CIT: variants seen among roughly 807,000 people sequenced by gnomAD.
CIT encodes citron rho-interacting serine/threonine kinase.
In CIT, 79 loss-of-function variants were observed where a neutral mutation model predicts 272.7. The observed-to-expected ratio is 0.29, with a 90% CI of 0.24 to 0.35. CIT has a LOEUF of 0.35. Among genes scored for constraint, CIT ranks in the 10% least tolerant of loss-of-function variants. The pLI is 1.00. For synonymous variants in CIT, 948 were observed against 995.6 expected (o/e 0.95, Z 0.90); for missense variants, 1,909 against 2,618.3 (o/e 0.73, Z 5.91).
chr12:119,796,402 C>A (rs553861836), intron 10 of CIT, among the ~76,000 whole-genome samples: 7 of 152,214 alleles, frequency 4.6e-5, no homozygotes, highest in African/African-American at 1.7e-4. Flanking sequence ...AAGTGGCATC[C>A]TAGAGGCACC....
At chr12:119,827,224 AG>A (rs1968244612) in intron 7 of CIT, among the ~76,000 whole-genome samples, 1 of 152,146 alleles carries the variant, frequency 6.6e-6, no homozygotes, top group African/African-American at 2.4e-5. Context: ...GATAGACAGA[AG>A]GGGAGACAAA....
chr12:119,862,126 G>A (rs576875933), intron 3 of CIT, among the ~76,000 whole-genome samples: 5 of 152,052 alleles, frequency 3.3e-5, no homozygotes, highest in South Asian at 4.1e-4. Flanking sequence ...TTGGTCTCCC[G>A]AGTAGCTGGA....
At chr12:119,700,901 G>A (rs1956523470) in intron 43 of CIT, 76 bp from the exon 44 acceptor site, 3 of 1,225,278 alleles carry the variant, frequency 2.4e-6, no homozygotes, top group Admixed American at 1.7e-5. Flanking sequence ...GGTGATGGAA[G>A]AATGAGGAGC....
At position 119,829,898 on chromosome 12, in the gene CIT, G is replaced by A. The variant is rs765393322; in HGVS notation, c.753+2873C>T. 4.1e-4 allele frequency among the ~76,000 whole-genome samples: 62 copies of A among 151,994 alleles called. 2 individuals carry two copies. Among genetic ancestry groups the A allele is most frequent in the Admixed American group, 1.3e-4 (2 of 15,244 alleles). ...CAAAATACGAAGATATTACGTGGGGGTGATAGGGAAGGGATTGATTGATTT... is the reference window on the plus strand; with the variant it reads ...CAAAATACGAAGATATTACGTGGGGATGATAGGGAAGGGATTGATTGATTT... On this transcript the variant is annotated intron_variant, in intron 7 of 47. Transcript: ENST00000392521.
chr12:119,792,411 C>T (rs1965383494), intron 10 of CIT, among the ~76,000 whole-genome samples: 1 of 152,152 alleles, frequency 6.6e-6, no homozygotes, highest in African/African-American at 2.4e-5. Context: ...AACTCATCAG[C>T]ATTCCGTTTC....
At chr12:119,778,268 G>T (rs1463861821) in intron 13 of CIT, among the ~76,000 whole-genome samples, 7 of 152,130 alleles carry the variant, frequency 4.6e-5, no homozygotes, top group African/African-American at 1.7e-4. Context: ...TCAGAACTGG[G>T]CTCACCAAAA....
At chr12:119,773,268 A>G (rs1025183103) in intron 16 of CIT, among the ~76,000 whole-genome samples, 1 of 152,206 alleles carries the variant, frequency 6.6e-6, no homozygotes, top group African/African-American at 2.4e-5. Context: ...AACGTAATGA[A>G]TGGAAATAGA....
chr12:119,752,171 C>T lies in CIT; in HGVS notation c.2783G>A (p.Arg928His), dbSNP rs143324493. The T allele has an allele frequency of 2.7e-5, 43 of 1,612,398 alleles. No individual in the cohort carries two copies. The African/African-American group carries it at 3.5e-4, about 13-fold the overall frequency. The change falls in exon 23 of 48, where the codon CGC becomes CAC. Residue 928 changes from arginine (R) to histidine (H), a missense_variant. By Grantham distance (29) the Arg-to-His change is conservative. This residue lies in a region of CIT where 530 missense variants were observed against 822.4 expected (regional missense o/e 0.64). Transcript: ENST00000392521. ...LTELQLSLQE[R>H]ESQLTALQAA... ...CTGCAGGGCTGTCAACTGTGACTCG[C>T]GCTCCTGCAGGGAGAGCTGTAGCTC...
In CIT at chr12:119,803,326, T is replaced by C; in HGVS notation, c.1175A>G (p.Glu392Gly). 2 of 1,607,166 alleles carry C rather than the reference T, an allele frequency of 1.2e-6. No homozygotes were observed. The highest frequency in any genetic ancestry group is 1.7e-6 in the Non-Finnish European group (2 of 1,176,798). ...AGAGGATGAAACCCACGAATTCTTC[T>C]CTGGTTCATCAAAATTGGAGGTGTC... Reference protein sequence around the residue: ...DDDTSNFDEPEKNSWVSSSPC... With the variant: ...DDDTSNFDEPGKNSWVSSSPC... Residue 392 changes from glutamate to glycine, a missense_variant, in exon 10 of 48, where the codon GAG becomes GGG. Glu to Gly is a moderately conservative substitution (Grantham distance 98). Coordinates refer to ENST00000392521, the MANE Select transcript of CIT (RefSeq NM_001206999.2).
chr12:119,764,549 A>G (rs1257633677), intron 19 of CIT, among the ~76,000 whole-genome samples: 1 of 151,136 alleles, frequency 6.6e-6, no homozygotes, highest in Non-Finnish European at 1.5e-5. Context: ...CCAGGTTGCA[A>G]TGAGCTATGA....
In CIT at chr12:119,770,878, C is replaced by T; in HGVS notation, c.2115G>A (p.Lys705=). ...ERRHSLENKV[K]RLETMERREN... is the part of the protein sequence containing the mutation. ...CTCTACGCTCCATGGTCTCTAGTCT[C>T]TTTACCTTGTTCTCCAGAGAATGGC... The change falls in exon 18 of 48, where the codon AAG becomes AAA. Residue 705 remains lysine (K), a synonymous_variant. Coordinates refer to ENST00000392521, the MANE Select transcript of CIT (RefSeq NM_001206999.2). The surrounding 1 kb of genome is among the most constrained non-coding windows in gnomAD (Gnocchi z 4.4). 6.2e-7 allele frequency: 1 copy of T among 1,612,844 alleles called. No individual in the cohort carries two copies. Among genetic ancestry groups the T allele is most frequent in the Non-Finnish European group, 8.5e-7 (1 of 1,179,860 alleles).
intron 28 of CIT, among the ~76,000 whole-genome samples, chr12:119,722,287 C>T (rs1170465267): frequency 1.3e-5 from 2 of 152,178 alleles, no homozygotes; most frequent in Non-Finnish European, 2.9e-5. Flanking sequence ...CTTAACTACA[C>T]TTAGTGTGGC....
intron 5 of CIT, among the ~76,000 whole-genome samples, chr12:119,848,070 A>C (rs924298211): frequency 1.3e-5 from 2 of 152,154 alleles, no homozygotes; most frequent in African/African-American, 4.8e-5. Context: ...TCCATGCCCC[A>C]TGTCTCAAGG....
chr12:119,767,772 G>A (rs1402889051), intron 18 of CIT, among the ~76,000 whole-genome samples: 5 of 151,906 alleles, frequency 3.3e-5, no homozygotes, highest in African/African-American at 1.2e-4. Context: ...AATGCAAATG[G>A]GGACAAAGAC....
At chr12:119,707,572 G>C (rs1956947247) in intron 40 of CIT, among the ~76,000 whole-genome samples, 1 of 151,988 alleles carries the variant, frequency 6.6e-6, no homozygotes, top group Non-Finnish European at 1.5e-5. Context: ...CGCAATCTCG[G>C]CTCACTGCAA....
chr12:119,860,685 G>A (rs1243991528), intron 3 of CIT, among the ~76,000 whole-genome samples: 4 of 152,050 alleles, frequency 2.6e-5, no homozygotes, highest in East Asian at 1.9e-4. Flanking sequence ...GACAGACCAC[G>A]GTGCTTTGCA....
chr12:119,837,276 T>C (rs7975107), intron 5 of CIT, among the ~76,000 whole-genome samples: 4,332 of 152,326 alleles, frequency 0.028, 116 homozygotes, highest in East Asian at 0.13. Context: ...TACTGGGGTA[T>C]AGCTGCTCAT....
rs143726929 is a variant in CIT at position 119,876,275 on chromosome 12, A to AG, written c.-13-95dup. The AG allele has an allele frequency of 3.1e-3, 2,278 of 734,564 alleles. 57 individuals are homozygous for AG. The African/African-American group carries it at 0.037, about 12-fold the overall frequency. 45.5% of individuals were successfully genotyped at this position (734,564 alleles called of 1,614,324 possible). ...CTCCCTCAAGATATCAGGGACAAGG[A>AG]GGTGAAAATCAGCTACCACTCCAGT... On this transcript the variant is annotated intron_variant, in intron 1 of 47. Transcript: ENST00000392521.
Position 119,784,124 on chromosome 12 carries a change from T to C in CIT, c.1402-73A>G. Reference sequence around the variant, plus strand: ...AGGAGCAATCACATCTCAAGTAGCCTCCGAAACCACCTGGTGGTCTGGGCT... The same window carrying C: ...AGGAGCAATCACATCTCAAGTAGCCCCCGAAACCACCTGGTGGTCTGGGCT... On this transcript the variant is annotated intron_variant, in intron 11 of 47. Transcript: ENST00000392521. The surrounding 1 kb of genome is among the most constrained non-coding windows in gnomAD (Gnocchi z 4.7). The C allele has an allele frequency of 6.2e-7, 1 of 1,613,104 alleles. No individual in the cohort carries two copies. Among genetic ancestry groups the C allele is most frequent in the Non-Finnish European group, 8.5e-7 (1 of 1,179,440 alleles).
Sources: allele counts gnomAD v4.1 joint callset (sites outside exome capture counted in the v4.1 genomes callset), GRCh38; gene constraint gnomAD v4.1.1; regional missense constraint gnomAD v4.1.1; non-coding constraint Gnocchi (gnomAD v3.1); transcripts MANE v1.5; gene names NCBI Gene and HGNC (gene_info 2026-07-23, HGNC 2026-07-21).